The following SYNPR variants were observed in gnomAD, a reference collection of about 807,000 sequenced individuals.
SYNPR encodes synaptoporin.
A neutral mutation model predicts 32.9 loss-of-function variants in SYNPR; 23 were observed. That is an observed-to-expected ratio of 0.70 (90% confidence interval 0.50 to 0.99). The LOEUF is 0.99. Among genes scored for constraint, SYNPR ranks in the 50% least tolerant of loss-of-function variants. SYNPR has a pLI of 0.00. For synonymous variants in SYNPR, 146 were observed against 135.9 expected, an observed-to-expected ratio of 1.07 and a Z score of -0.52; for missense variants, 318 against 349.3, an observed-to-expected ratio of 0.91 and a Z score of 0.71.
At chr3:63,244,508 A>C (rs1458804294) in intron 1 of SYNPR, among the ~76,000 whole-genome samples, 1 of 152,074 alleles carries the variant, frequency 6.6e-6, no homozygotes, top group African/African-American at 2.4e-5. Flanking sequence ...TTGGTGTCAC[A>C]GGCCTGTTCA....
intron 2 of SYNPR, among the ~76,000 whole-genome samples, chr3:63,453,098 G>A (rs10866067): frequency 0.38 from 57,638 of 151,914 alleles, 11,018 homozygotes; most frequent in Non-Finnish European, 0.42. Context: ...TTGAGTATTG[G>A]AATCTACGTT....
At chr3:63,473,004 C>G (rs1056605827) in intron 2 of SYNPR, among the ~76,000 whole-genome samples, 7 of 152,040 alleles carry the variant, frequency 4.6e-5, no homozygotes, top group Non-Finnish European at 1.0e-4. Context: ...CCCTGGTAGC[C>G]CATACCTGAC....
chr3:63,506,187 G>A (rs750592922), intron 3 of SYNPR, among the ~76,000 whole-genome samples: 7 of 150,222 alleles, frequency 4.7e-5, no homozygotes, highest in African/African-American at 7.4e-5. Context: ...TCCTTCTCCT[G>A]ACTTAGCCTT....
intron 3 of SYNPR, among the ~76,000 whole-genome samples, chr3:63,505,339 G>T (rs1401751638): frequency 1.3e-5 from 2 of 152,170 alleles, no homozygotes; most frequent in African/African-American, 4.8e-5. Flanking sequence ...ATTTTGGAAT[G>T]AGGTTTTAAA....
chr3:63,403,646 G>A (rs937290995), intron 2 of SYNPR, among the ~76,000 whole-genome samples: 1 of 152,100 alleles, frequency 6.6e-6, no homozygotes, highest in Non-Finnish European at 1.5e-5. Flanking sequence ...CGAAATTGGA[G>A]GTTCTAGCCT....
intron 2 of SYNPR, among the ~76,000 whole-genome samples, chr3:63,471,885 T>C (rs1700807183): frequency 6.6e-6 from 1 of 152,198 alleles, no homozygotes; most frequent in Non-Finnish European, 1.5e-5. Context: ...GTGAGGAACC[T>C]GGCACCCTTA....
chr3:63,370,060 G>A (rs2087776574), intron 2 of SYNPR, among the ~76,000 whole-genome samples: 2 of 152,206 alleles, frequency 1.3e-5, no homozygotes, highest in Admixed American at 1.3e-4. Flanking sequence ...TGTTTGTGAG[G>A]CTCTGTCCTT....
chr3:63,259,093 CA>C (rs951973836), intron 2 of SYNPR, among the ~76,000 whole-genome samples: 12 of 151,952 alleles, frequency 7.9e-5, no homozygotes, highest in African/African-American at 2.4e-4. Context: ...ATCTTACCAA[CA>C]AAAAAAATCC....
At chr3:63,527,770 T>C (rs940006408) in intron 3 of SYNPR, among the ~76,000 whole-genome samples, 4 of 152,190 alleles carry the variant, frequency 2.6e-5, no homozygotes, top group African/African-American at 9.6e-5. Context: ...GTCCTTTGCG[T>C]GGCCTTATGC....
chr3:63,556,447 A>G, intron 3 of SYNPR, 96 bp from the exon 4 acceptor site: 2 of 1,119,650 alleles, frequency 1.8e-6, no homozygotes, highest in East Asian at 2.6e-5. Context: ...AAACTCCCAG[A>G]TCACATCCCA....
At chr3:63,557,771 C>T (rs1353888099) in intron 4 of SYNPR, among the ~76,000 whole-genome samples, 2 of 152,236 alleles carry the variant, frequency 1.3e-5, no homozygotes, top group Admixed American at 6.5e-5. Context: ...TGCAAGCAAG[C>T]TTTCTCAGCA....
chr3:63,530,904 A>G (rs1369989260), intron 3 of SYNPR, among the ~76,000 whole-genome samples: 3 of 152,178 alleles, frequency 2.0e-5, no homozygotes, highest in Admixed American at 1.3e-4. Context: ...CTATTCTCTC[A>G]TTGTCACTCA....
intron 3 of SYNPR, among the ~76,000 whole-genome samples, chr3:63,496,809 C>T (rs139670735): frequency 2.0e-5 from 2 of 97,696 alleles, no homozygotes; most frequent in African/African-American, 8.6e-5. Context: ...GCCCACCTGC[C>T]CCCAGTTGTT....
chr3:63,337,314 C>T lies in SYNPR; in HGVS notation c.84+58572C>T, dbSNP rs2087307876. Among the ~76,000 whole-genome samples the T allele has an allele frequency of 2.7e-5, 4 of 145,914 alleles. No homozygotes were observed. The South Asian group carries it at 8.9e-4, about 33-fold the overall frequency. On this transcript the variant is annotated intron_variant, in intron 2 of 5. Transcript: ENST00000478300. ...CAAATTAAAACAACAATAAGAACTA[C>T]ATACCTATTTACCTATTAGAATGGT...
At chr3:63,593,712 A>T (rs1263882729) in intron 4 of SYNPR, among the ~76,000 whole-genome samples, 5 of 152,162 alleles carry the variant, frequency 3.3e-5, no homozygotes. Context: ...AAACAAGATG[A>T]TTGACTATTA....
chr3:63,242,991 T>C (rs2086259695), intron 1 of SYNPR, among the ~76,000 whole-genome samples: 3 of 151,658 alleles, frequency 2.0e-5, no homozygotes, highest in Non-Finnish European at 4.4e-5. Context: ...TGAGGAAAAA[T>C]GTACATATTA....
upstream of SYNPR, among the ~76,000 whole-genome samples, chr3:63,224,645 C>A (rs1216089605): frequency 6.6e-6 from 1 of 152,118 alleles, no homozygotes; most frequent in South Asian, 2.1e-4. Context: ...GTGCCTGGGA[C>A]CTAATCAGGA....
chr3:63,381,771 C>A (rs1181768431), intron 2 of SYNPR, among the ~76,000 whole-genome samples: 1 of 152,132 alleles, frequency 6.6e-6, no homozygotes, highest in Non-Finnish European at 1.5e-5. Flanking sequence ...TGTATTGTTT[C>A]TCTGACTCCC....
chr3:63,360,188 A>C (rs2087637308), intron 2 of SYNPR, among the ~76,000 whole-genome samples: 1 of 152,030 alleles, frequency 6.6e-6, no homozygotes, highest in South Asian at 2.1e-4. Context: ...ACACCCTTTC[A>C]CCCAGTTATT....
Sources: gnomAD v4.1 joint callset for allele counts (sites outside exome capture counted in the v4.1 genomes callset) on GRCh38, gnomAD v4.1.1 for gene constraint, MANE v1.5 for transcripts, NCBI Gene and HGNC (gene_info 2026-07-23, HGNC 2026-07-21) for gene names.